DCAF12: variants seen among roughly 807,000 people sequenced by gnomAD.
DCAF12 encodes DDB1 and CUL4 associated factor 12, also known as DDB1- and CUL4-associated factor 12.
DCAF12 carries 28 observed loss-of-function variants against 52.8 expected under a neutral mutation model. The ratio of observed to expected loss-of-function variants is 0.53; its 90% confidence interval spans 0.39 to 0.73. The LOEUF is 0.73. Among genes scored for constraint, DCAF12 ranks in the 30% least tolerant of loss-of-function variants. The probability of loss-of-function intolerance (pLI) is 0.00; values close to 1 mark genes in which losing one functional copy is unlikely to be tolerated. For synonymous variants in DCAF12, 196 were observed against 215.5 expected, an observed-to-expected ratio of 0.91 and a Z score of 0.79; for missense variants, 425 against 552.2, an observed-to-expected ratio of 0.77 and a Z score of 2.31.
intron 2 of DCAF12, among the ~76,000 whole-genome samples, chr9:34,111,724 T>C (rs4879745): frequency 0.31 from 46,406 of 152,064 alleles, 7,558 homozygotes; most frequent in Non-Finnish European, 0.36. Context: ...AAAGGCTAGA[T>C]TGGACTAGGC....
intron 2 of DCAF12, among the ~76,000 whole-genome samples, chr9:34,115,203 T>C (rs1288809748): frequency 6.6e-6 from 1 of 151,874 alleles, no homozygotes; most frequent in Non-Finnish European, 1.5e-5. Flanking sequence ...ATCTATTCAC[T>C]ATCCCAATCT....
intron 2 of DCAF12, among the ~76,000 whole-genome samples, chr9:34,113,433 G>A (rs892870726): frequency 3.3e-5 from 5 of 151,914 alleles, no homozygotes; most frequent in Middle Eastern, 3.4e-3. Context: ...CTTGGCTCCC[G>A]GGTTCAAGTG....
chr9:34,092,573 C>G (rs1828661316), intron 7 of DCAF12, among the ~76,000 whole-genome samples: 1 of 151,892 alleles, frequency 6.6e-6, no homozygotes, highest in African/African-American at 2.4e-5. Flanking sequence ...GTAGTCCCAC[C>G]TACTCGCGAG....
At chr9:34,111,441 C>T (rs1473182329) in intron 2 of DCAF12, among the ~76,000 whole-genome samples, 1 of 152,184 alleles carries the variant, frequency 6.6e-6, no homozygotes, top group Non-Finnish European at 1.5e-5. Context: ...CCATATCGCA[C>T]TGATTTAAAA....
rs1828588555 is a variant in DCAF12, at chr9:34,088,156, G to A, written c.*194C>T. On this transcript the variant is annotated 3_prime_UTR_variant, in exon 9 of 9. Coordinates refer to ENST00000361264, the MANE Select transcript of DCAF12 (RefSeq NM_015397.4). ...GATAGTAAAATTTTGATTACCAAAG[G>A]GGAAAACAAAAAGCAAAACAACTTT... is the stretch of plus-strand genomic sequence containing the variant. 4.3e-6 allele frequency: 2 copies of A among 461,694 alleles called. No homozygotes were observed. Among genetic ancestry groups the A allele is most frequent in the East Asian group, 3.6e-5 (1 of 27,834 alleles). The allele number at this position is 461,694 out of a possible 1,614,324, so 28.6% of individuals were successfully genotyped here.
chr9:34,118,892 G>C (rs1404765402), intron 2 of DCAF12, among the ~76,000 whole-genome samples: 1 of 152,140 alleles, frequency 6.6e-6, no homozygotes, highest in African/African-American at 2.4e-5. Flanking sequence ...TTGAACCTGG[G>C]AGGCGGAGAT....
rs1368446017 is a variant in DCAF12, at chr9:34,126,360, G to T, written c.72C>A (p.Gly24=). 2.5e-6 allele frequency: 4 copies of T among 1,612,254 alleles called. No homozygotes were observed. The highest frequency in any genetic ancestry group is 2.5e-6 in the Non-Finnish European group (3 of 1,179,756). ...ASPGAGSDAQ[G]PQFGWDHSLH... Reference sequence around the variant, plus strand: ...CCGGCCTCTCAACCCTCACCTGCGGGCCCTGAGCGTCGCTCCCAGCTCCCG... The same window carrying T: ...CCGGCCTCTCAACCCTCACCTGCGGTCCCTGAGCGTCGCTCCCAGCTCCCG... Residue 24 remains glycine, a synonymous_variant, in exon 1 of 9, where the codon GGC becomes GGA. Coordinates refer to ENST00000361264, the MANE Select transcript of DCAF12 (RefSeq NM_015397.4).
chr9:34,089,321 A>T (rs1264626564), intron 8 of DCAF12, 91 bp downstream of exon 8: 24 of 1,363,092 alleles, frequency 1.8e-5, no homozygotes, highest in Non-Finnish European at 2.0e-5. Flanking sequence ...AAAAAGTATG[A>T]GTAGATGGTG....
At chr9:34,124,653 C>T (rs1432856651) in intron 2 of DCAF12, among the ~76,000 whole-genome samples, 1 of 152,182 alleles carries the variant, frequency 6.6e-6, no homozygotes, top group Non-Finnish European at 1.5e-5. Flanking sequence ...GCTGTTTTCA[C>T]TATTATGTAT....
In DCAF12 at chr9:34,102,014, C is replaced by CA. The variant is rs141617386; in HGVS notation, c.602-3498dup. Among the ~76,000 whole-genome samples the CA allele has an allele frequency of 6.1e-3, 791 of 130,296 alleles. 9 individuals carry two copies. The highest frequency in any genetic ancestry group is 0.019 in the African/African-American group (653 of 33,678). The allele number at this position is 130,296 out of a possible 152,430, so 85.5% of individuals were successfully genotyped here. ...TGGGTGACAGAGTGAGACCCTGTCG[C>CA]AAAAAAAAAAAAAAGATAATAATGA... On this transcript the variant is annotated intron_variant, in intron 4 of 8. Transcript: ENST00000361264.
rs149837222 is a variant in DCAF12 at position 34,089,267 on chromosome 9, C to T, written c.1203+145G>A. 1,324 of 916,128 alleles carry T rather than the reference C, an allele frequency of 1.4e-3. 13 individuals carry two copies. In the African/African-American group the frequency reaches 0.02, roughly 14 times the overall value. 56.7% of individuals were successfully genotyped at this position (916,128 alleles called of 1,614,324 possible). A position where few individuals can be genotyped will look rare whatever the true frequency, so the allele number is the denominator to read the frequency against. On this transcript the variant is annotated intron_variant, in intron 8 of 8. Transcript: ENST00000361264. ...CAACGTGCAGACATAAAAGCAAAAT[C>T]GGGGGAAGTCTTTTCCTGTTCCAAT...
intron 7 of DCAF12, among the ~76,000 whole-genome samples, chr9:34,091,906 G>T (rs2131425409): frequency 6.6e-6 from 1 of 152,270 alleles, no homozygotes; most frequent in South Asian, 2.1e-4. Context: ...GTGATGCTGG[G>T]CAAGTTATTT....
intron 3 of DCAF12, 51 bp from the exon 4 acceptor site, chr9:34,106,545 A>G (rs750149911): frequency 6.9e-7 from 1 of 1,446,692 alleles, no homozygotes; most frequent in Non-Finnish European, 9.6e-7. Flanking sequence ...GAAATTAGTA[A>G]AATAAGGATT....
chr9:34,117,757 A>G (rs2131442101), intron 2 of DCAF12, among the ~76,000 whole-genome samples: 1 of 152,176 alleles, frequency 6.6e-6, no homozygotes, highest in East Asian at 1.9e-4. Context: ...TCCACTAAAA[A>G]TACAAAATTA....
intron 1 of DCAF12, among the ~76,000 whole-genome samples, chr9:34,125,963 C>T (rs904228151): frequency 3.3e-5 from 5 of 152,120 alleles, no homozygotes; most frequent in African/African-American, 1.2e-4. Context: ...AGACTACTTC[C>T]TTCTTCCAGG....
intron 2 of DCAF12, among the ~76,000 whole-genome samples, chr9:34,114,494 C>T (rs901700191): frequency 8.5e-5 from 13 of 152,144 alleles, no homozygotes; most frequent in Admixed American, 7.2e-4. Context: ...AGGATAGAGC[C>T]ACCCTGCTTC....
chr9:34,089,469 C>T lies in DCAF12; in HGVS notation c.1146G>A (p.Gly382=). ...TCTCCCCTGCTAGTCTGGGCTTGGA[C>T]CCATAACAAGCTGAGAGCCTCTCTT... ...FLEERLSACY[G]SKPRLAGENL... The change falls in exon 8 of 9, where the codon GGG becomes GGA. Residue 382 remains glycine, a synonymous_variant. Coordinates refer to ENST00000361264, the MANE Select transcript of DCAF12 (RefSeq NM_015397.4). 6.2e-7 allele frequency: 1 copy of T among 1,614,152 alleles called. No homozygotes were observed. The highest frequency in any genetic ancestry group is 8.5e-7 in the Non-Finnish European group (1 of 1,180,030).
Position 34,126,391 on chromosome 9 carries a change from G to A in DCAF12, c.41C>T (p.Ala14Val), listed in dbSNP as rs767652039. 2 of 1,611,180 alleles carry A rather than the reference G, an allele frequency of 1.2e-6. No homozygotes were observed. Among genetic ancestry groups the A allele is most frequent in the South Asian group, 1.1e-5 (1 of 91,028 alleles). The stretch of plus-strand genomic sequence containing the variant: ...AGCGTCGCTCCCAGCTCCCGGCGAG[G>A]CGGGCGCTTTCCGCTTCCTGCTAAC... ...KVVSRKRKAPASPGAGSDAQG... is the reference protein window; with the variant it reads ...KVVSRKRKAPVSPGAGSDAQG... Residue 14 changes from alanine to valine, a missense_variant, in exon 1 of 9, where the codon GCC (alanine) becomes GTC (valine). By Grantham distance (64) the Ala-to-Val change is moderately conservative. Around this residue, in one of 3 missense-constraint regions of DCAF12, gnomAD observed 89 missense variants for 84.9 expected, o/e 1.05. Transcript: ENST00000361264.
chr9:34,095,986 A>G (rs578122321), intron 6 of DCAF12: 4 of 152,138 alleles, frequency 2.6e-5, no homozygotes, highest in Non-Finnish European at 5.9e-5. Flanking sequence ...ACTTTCCTGC[A>G]AGAGAGGCAC....
Sources: gnomAD v4.1 joint callset for allele counts (sites outside exome capture counted in the v4.1 genomes callset) on GRCh38, gnomAD v4.1.1 for gene constraint, gnomAD v4.1.1 regional missense constraint, MANE v1.5 for transcripts, NCBI Gene and HGNC (gene_info 2026-07-23, HGNC 2026-07-21) for gene names.